Variants in LYZL2 observed in about 807,000 individuals in gnomAD.
LYZL2 encodes lysozyme like 2.
Under a neutral mutation model 17.1 loss-of-function variants are expected in LYZL2, and 13 were observed. The ratio of observed to expected loss-of-function variants is 0.76; its 90% CI spans 0.49 to 1.21. The LOEUF (loss-of-function observed/expected upper bound fraction) is 1.21, where lower values mean the gene tolerates loss of function less well. Among genes scored for constraint, LYZL2 ranks in the 50% most tolerant of loss-of-function variants. The pLI is 0.00. For synonymous variants in LYZL2, 63 were observed against 74.4 expected, an observed-to-expected ratio of 0.85 and a Z score of 0.79; for missense variants, 166 against 189.2, an observed-to-expected ratio of 0.88 and a Z score of 0.72.
At chr10:30,620,912 T>C (rs1299522992) in intron 3 of LYZL2, among the ~76,000 whole-genome samples, 3 of 150,566 alleles carry the variant, frequency 2.0e-5, no homozygotes. Context: ...ATGGAAACTA[T>C]TGAAAATAAA....
chr10:30,611,570 GGAAAGAAAGAAAGAAAGAAA>G (rs71023593), downstream of LYZL2, among the ~76,000 whole-genome samples: 6 of 54,122 alleles, frequency 1.1e-4, no homozygotes, highest in African/African-American at 4.5e-4. Context: ...AAGGAAGGAA[GGAAAGAAAGAAAGAAAGAAA>G]GAAAGAAAGA....
intron 1 of LYZL2, among the ~76,000 whole-genome samples, chr10:30,628,634 C>T (rs1838757989): frequency 6.6e-6 from 1 of 152,174 alleles, no homozygotes; most frequent in Non-Finnish European, 1.5e-5. Context: ...ATATGTTCAT[C>T]CCGTGTCATT....
At chr10:30,620,079 A>G (rs1838596456) in intron 3 of LYZL2, among the ~76,000 whole-genome samples, 1 of 152,250 alleles carries the variant, frequency 6.6e-6, no homozygotes, top group African/African-American at 2.4e-5. Flanking sequence ...CAAGGAGAAT[A>G]GAAGGATCGT....
intron 3 of LYZL2, among the ~76,000 whole-genome samples, chr10:30,614,569 C>T (rs912488871): frequency 6.6e-6 from 1 of 152,232 alleles, no homozygotes; most frequent in African/African-American, 2.4e-5. Flanking sequence ...ATCTCCATGA[C>T]CACCACAACC....
At chr10:30,626,508 C>T (rs1421591302) in intron 2 of LYZL2, among the ~76,000 whole-genome samples, 2 of 152,322 alleles carry the variant, frequency 1.3e-5, no homozygotes, top group African/African-American at 4.8e-5. Context: ...CAGGTCCCCC[C>T]ACTCCCCACA....
downstream of LYZL2, chr10:30,611,687 G>GGAAA: frequency 1.2e-5 from 3 of 256,278 alleles, no homozygotes. Context: ...AAGGAAGGAA[G>GGAAA]GAAAGAAAGA....
chr10:30,612,068 A>G (rs1838455405), intron 4 of LYZL2, 44 bp from the exon 5 acceptor site: 3 of 1,603,368 alleles, frequency 1.9e-6, no homozygotes, highest in Non-Finnish European at 1.7e-6. Context: ...GAAGCGTGAC[A>G]ATCCAAACCG....
chr10:30,612,860 G>A lies in LYZL2; in HGVS notation c.339C>T (p.Ala113=). Reference sequence around the variant, plus strand: ...CTTGTGTCTCTTTAACAATTTTCTTGGCACAGATAATCGCATCTGTGAGGT... The same window carrying A: ...CTTGTGTCTCTTTAACAATTTTCTTAGCACAGATAATCGCATCTGTGAGGT... ...TDDLTDAIIC[A]KKIVKETQGM... is the part of the protein sequence containing the mutation. The change falls in exon 4 of 5, where the codon GCC becomes GCT. Residue 113 remains alanine (A), a synonymous_variant. Coordinates refer to ENST00000647634, the MANE Select transcript of LYZL2 (RefSeq NM_183058.3). The A allele has an allele frequency of 6.2e-7, 1 of 1,613,804 alleles. No individual in the cohort carries two copies. Among genetic ancestry groups the A allele is most frequent in the Non-Finnish European group, 8.5e-7 (1 of 1,179,774 alleles).
chr10:30,612,666 AC>A (rs1160261105), intron 4 of LYZL2, among the ~76,000 whole-genome samples, 155 bp downstream of exon 4: 2 of 152,278 alleles, frequency 1.3e-5, no homozygotes, highest in Non-Finnish European at 1.5e-5. Flanking sequence ...TTCACTGCAC[AC>A]CCACACACTG....
chr10:30,607,619 G>A (rs1838391668), downstream of LYZL2, among the ~76,000 whole-genome samples: 1 of 152,120 alleles, frequency 6.6e-6, no homozygotes, highest in Non-Finnish European at 1.5e-5. Flanking sequence ...AGAAAAATGA[G>A]GAAAAGAATC....
At chr10:30,620,002 A>G (rs1361352621) in intron 3 of LYZL2, among the ~76,000 whole-genome samples, 3 of 152,162 alleles carry the variant, frequency 2.0e-5, no homozygotes, top group African/African-American at 7.2e-5. Flanking sequence ...ATTTTCCTAC[A>G]TATTTTTGTG....
chr10:30,620,370 A>G (rs61846095), intron 3 of LYZL2, among the ~76,000 whole-genome samples: 21,819 of 152,222 alleles, frequency 0.14, 1,706 homozygotes, highest in East Asian at 0.24. Context: ...CATCCCTGGT[A>G]CCAGTCTTTG....
chr10:30,629,673 C>A lies in LYZL2; in HGVS notation c.-106G>T. On this transcript the variant is annotated 5_prime_UTR_variant, in exon 1 of 5. Transcript: ENST00000647634. ...CGGAAGAAACACTGCTCCACTTAGT[C>A]GGTGACAGGCAGCTCAGGGGAGCGT... The A allele has an allele frequency of 1.9e-6, 3 of 1,613,954 alleles. No individual in the cohort carries two copies. Among genetic ancestry groups the A allele is most frequent in the Non-Finnish European group, 2.5e-6 (3 of 1,179,840 alleles).
intron 3 of LYZL2, among the ~76,000 whole-genome samples, chr10:30,616,644 T>C (rs11008151): frequency 0.14 from 21,611 of 152,258 alleles, 1,676 homozygotes; most frequent in East Asian, 0.24. Flanking sequence ...GTCAGGCACA[T>C]GTTAAATCTC....
At chr10:30,619,274 C>T (rs908467410) in intron 3 of LYZL2, among the ~76,000 whole-genome samples, 6 of 152,196 alleles carry the variant, frequency 3.9e-5, no homozygotes, top group African/African-American at 1.4e-4. Context: ...TGTGGCAATT[C>T]CTCAGGGATC....
At chr10:30,620,573 G>A (rs112857925) in intron 3 of LYZL2, among the ~76,000 whole-genome samples, 2,118 of 152,276 alleles carry the variant, frequency 0.014, 40 homozygotes, top group South Asian at 0.063. Flanking sequence ...CACAAGAGCC[G>A]TCAACACATA....
intron 1 of LYZL2, among the ~76,000 whole-genome samples, chr10:30,628,720 G>A (rs980475269): frequency 7.0e-4 from 106 of 152,252 alleles, no homozygotes; most frequent in African/African-American, 2.4e-3. Flanking sequence ...GAAAGGCTAG[G>A]CCCAAAACAG....
At chr10:30,621,418 ATTT>A (rs74355775) in intron 3 of LYZL2, among the ~76,000 whole-genome samples, 4 of 147,428 alleles carry the variant, frequency 2.7e-5, no homozygotes, top group East Asian at 3.9e-4. Context: ...CATCTCCACA[ATTT>A]TTTTTTTTTT....
chr10:30,624,204 A>G (rs368311450), intron 3 of LYZL2, among the ~76,000 whole-genome samples: 52 of 152,318 alleles, frequency 3.4e-4, no homozygotes, highest in African/African-American at 1.2e-3. Context: ...AGAGGCCAAC[A>G]CACACAGTTG....
Sources: allele counts gnomAD v4.1 joint callset (sites outside exome capture counted in the v4.1 genomes callset), GRCh38; gene constraint gnomAD v4.1.1; transcripts MANE v1.5; gene names NCBI Gene and HGNC (gene_info 2026-07-23, HGNC 2026-07-21).